The following NCOR1 variants were observed in gnomAD, a reference collection of about 807,000 sequenced individuals.
The protein encoded by NCOR1 is protein phosphatase 1, regulatory subunit 109.
In NCOR1, 63 loss-of-function variants were observed where a neutral mutation model predicts 288.1. The observed-to-expected ratio is 0.22, with a 90% confidence interval of 0.18 to 0.27. NCOR1 has a LOEUF of 0.27. NCOR1 is among the 10% of genes least tolerant of loss of function. The pLI is 1.00. For synonymous variants in NCOR1, 1,007 were observed against 1,065.9 expected, an observed-to-expected ratio of 0.94 and a Z score of 1.08; for missense variants, 2,397 against 3,019.2, an observed-to-expected ratio of 0.79 and a Z score of 4.83.
intron 21 of NCOR1, among the ~76,000 whole-genome samples, chr17:16,098,077 G>C (rs1318149275): frequency 1.3e-5 from 2 of 152,296 alleles, no homozygotes; most frequent in African/African-American, 4.8e-5. Context: ...CCAGAAAGCA[G>C]AACAGTGGTT....
At chr17:16,046,900 T>G (rs1454404608) in intron 42 of NCOR1, 51 bp downstream of exon 42, 1 of 1,599,240 alleles carries the variant, frequency 6.3e-7, no homozygotes, top group Non-Finnish European at 8.5e-7. Flanking sequence ...ACTGGAGATA[T>G]CATTATTAAT....
chr17:16,075,586 G>A lies in NCOR1; in HGVS notation c.3618C>T (p.Ser1206=). The A allele has an allele frequency of 6.2e-7, 1 of 1,614,162 alleles. No individual in the cohort carries two copies. Residue 1206 remains serine, a synonymous_variant, in exon 27 of 46, where the codon TCC becomes TCT. Coordinates refer to ENST00000268712, the MANE Select transcript of NCOR1 (RefSeq NM_006311.4). The part of the protein sequence containing the change: ...SPEKGREEAA[S]KGHVIYEGKS... ...TGCCTTCATAAATAACATGGCCTTTGGATGCAGCTTCCTCTCTGCCTTTCT... is the reference window on the plus strand; with the variant it reads ...TGCCTTCATAAATAACATGGCCTTTAGATGCAGCTTCCTCTCTGCCTTTCT...
chr17:16,050,823 A>ATTTTAT (rs530473066), intron 40 of NCOR1, among the ~76,000 whole-genome samples: 41 of 151,750 alleles, frequency 2.7e-4, no homozygotes, highest in Middle Eastern at 3.4e-3. Context: ...GTTGTTGCCC[A>ATTTTAT]TTTTATTTTT....
chr17:16,067,038 C>T (rs2061202946), intron 32 of NCOR1, among the ~76,000 whole-genome samples: 1 of 152,300 alleles, frequency 6.6e-6, no homozygotes, highest in South Asian at 2.1e-4. Flanking sequence ...AGGACTGCAC[C>T]CTGGGAGGAC....
chr17:16,153,439 TTATC>T (rs751101924), intron 6 of NCOR1, 44 bp from the exon 7 acceptor site: 8 of 1,266,850 alleles, frequency 6.3e-6, no homozygotes, highest in East Asian at 2.3e-5. Context: ...AAAAATTACA[TTATC>T]TAAGTGCAAA....
chr17:16,033,733 A>G (rs1316551658), intron 45 of NCOR1, among the ~76,000 whole-genome samples: 1 of 152,234 alleles, frequency 6.6e-6, no homozygotes, highest in African/African-American at 2.4e-5. Context: ...CACAAAATAG[A>G]AAATAATAAG....
chr17:16,077,923 T>G (rs1227841287), intron 26 of NCOR1, among the ~76,000 whole-genome samples: 1 of 152,214 alleles, frequency 6.6e-6, no homozygotes, highest in African/African-American at 2.4e-5. Context: ...TCTCAAATTG[T>G]GATATGAGGG....
chr17:16,063,988 T>C (rs779641034), intron 35 of NCOR1, 80 bp downstream of exon 35: 161 of 1,438,088 alleles, frequency 1.1e-4, no homozygotes, highest in Non-Finnish European at 1.4e-4. Flanking sequence ...CATCAAAACT[T>C]TTTGTGCGCA....
intron 42 of NCOR1, chr17:16,044,346 G>T: frequency 3.7e-5 from 17 of 464,044 alleles, no homozygotes; most frequent in Admixed American, 1.5e-4. Context: ...TTTTTCCTTG[G>T]TGTTCAACAT....
chr17:16,170,107 CTG>C (rs61345864), intron 4 of NCOR1, among the ~76,000 whole-genome samples: 1,606 of 147,584 alleles, frequency 0.011, 17 homozygotes, highest in Middle Eastern at 0.017. Flanking sequence ...TATTTGCTTT[CTG>C]TGTGTGTGTG....
At chr17:16,190,546 T>C (rs2153541952) in intron 2 of NCOR1, among the ~76,000 whole-genome samples, 2 of 151,804 alleles carry the variant, frequency 1.3e-5, no homozygotes, top group East Asian at 3.9e-4. Flanking sequence ...TTTCACCGTG[T>C]TAGCCAAGAT....
chr17:16,084,769 A>G (rs1315328050), intron 23 of NCOR1, among the ~76,000 whole-genome samples: 8 of 152,352 alleles, frequency 5.3e-5, no homozygotes, highest in Non-Finnish European at 1.0e-4. Context: ...ATAAAGATGA[A>G]TGTTAATCCT....
intron 3 of NCOR1, among the ~76,000 whole-genome samples, chr17:16,174,686 TA>T (rs1211870585): frequency 1.3e-5 from 2 of 152,224 alleles, no homozygotes; most frequent in African/African-American, 4.8e-5. Context: ...CTCAGAAATT[TA>T]AATAAACTAC....
intron 18 of NCOR1, among the ~76,000 whole-genome samples, chr17:16,116,077 C>G (rs2153106578): frequency 6.6e-6 from 1 of 151,980 alleles, no homozygotes; most frequent in East Asian, 1.9e-4. Flanking sequence ...ATGGGGCAGG[C>G]AAAAAAAGAG....
chr17:16,089,207 A>T lies in NCOR1; in HGVS notation c.3016+2656T>A, dbSNP rs943780469. Among the ~76,000 whole-genome samples, 7 of 152,042 alleles carry T rather than the reference A, an allele frequency of 4.6e-5. 1 individual carries two copies. The highest frequency in any genetic ancestry group is 1.7e-4 in the African/African-American group (7 of 41,406). Reference sequence around the variant, plus strand: ...CACCATGTACCCAGAGCAGGAAAAGAAAAACAGCAACAGCAACAAAATAAA... The same window carrying T: ...CACCATGTACCCAGAGCAGGAAAAGTAAAACAGCAACAGCAACAAAATAAA... On this transcript the variant is annotated intron_variant, in intron 22 of 45. Coordinates refer to ENST00000268712, the MANE Select transcript of NCOR1 (RefSeq NM_006311.4).
intron 1 of NCOR1, among the ~76,000 whole-genome samples, chr17:16,208,212 T>C: frequency 8.1e-6 from 1 of 123,832 alleles, no homozygotes; most frequent in East Asian, 2.3e-4. Flanking sequence ...AGCTATTTTT[T>C]TTTTTTTTTT....
chr17:16,079,426 G>A (rs2063047604), intron 26 of NCOR1, among the ~76,000 whole-genome samples: 1 of 152,188 alleles, frequency 6.6e-6, no homozygotes, highest in Admixed American at 6.6e-5. Flanking sequence ...AACTTCTTAA[G>A]TATCAAGTTA....
intron 24 of NCOR1, 42 bp downstream of exon 24, chr17:16,080,565 G>A (rs1265725347): frequency 1.2e-6 from 2 of 1,614,064 alleles, no homozygotes; most frequent in Non-Finnish European, 1.7e-6. Context: ...TGGCTGTGAT[G>A]CTACAAACGT....
chr17:16,080,570 A>C, intron 24 of NCOR1, 37 bp downstream of exon 24: 2 of 1,614,112 alleles, frequency 1.2e-6, no homozygotes, highest in Non-Finnish European at 1.7e-6. Flanking sequence ...GTGATGCTAC[A>C]AACGTAGATG....
Sources: allele counts gnomAD v4.1 joint callset (sites outside exome capture counted in the v4.1 genomes callset), GRCh38; gene constraint gnomAD v4.1.1; transcripts MANE v1.5; gene names NCBI Gene and HGNC (gene_info 2026-07-23, HGNC 2026-07-21).